The following CDKAL1 variants were observed in gnomAD, a reference collection of about 807,000 sequenced individuals.
CDKAL1 encodes the protein threonylcarbamoyladenosine tRNA methylthiotransferase.
Under a neutral mutation model 68.2 loss-of-function variants are expected in CDKAL1, and 32 were observed. The ratio of observed to expected loss-of-function variants is 0.47; its 90% CI spans 0.35 to 0.63. The LOEUF is 0.63. Ranked by LOEUF, CDKAL1 falls within the 30% of genes least tolerant of loss-of-function variation. The probability of loss-of-function intolerance (pLI) is 0.00; values close to 1 mark genes in which losing one functional copy is unlikely to be tolerated. For synonymous variants in CDKAL1, 234 were observed against 244.3 expected, an observed-to-expected ratio of 0.96 and a Z score of 0.39; for missense variants, 606 against 696.7, an observed-to-expected ratio of 0.87 and a Z score of 1.47.
At chr6:20,639,187 T>C (rs1371534870) in intron 4 of CDKAL1, among the ~76,000 whole-genome samples, 1 of 152,234 alleles carries the variant, frequency 6.6e-6, no homozygotes, top group Admixed American at 6.5e-5. Flanking sequence ...TCGTCTTTCA[T>C]ATAATGAACA....
intron 12 of CDKAL1, among the ~76,000 whole-genome samples, chr6:21,101,877 C>G (rs534994018): frequency 6.6e-6 from 1 of 152,238 alleles, no homozygotes; most frequent in Non-Finnish European, 1.5e-5. Flanking sequence ...CAAGAGCTGT[C>G]TATCCTACCT....
chr6:21,218,989 T>G (rs984032762), intron 15 of CDKAL1, among the ~76,000 whole-genome samples: 27 of 152,190 alleles, frequency 1.8e-4, no homozygotes, highest in African/African-American at 5.8e-4. Context: ...AGGATCATTA[T>G]TTTTTACTTT....
chr6:21,044,409 C>A (rs1483409115), intron 11 of CDKAL1, among the ~76,000 whole-genome samples: 2 of 152,170 alleles, frequency 1.3e-5, no homozygotes, highest in Non-Finnish European at 2.9e-5. Flanking sequence ...TTCTAATAGA[C>A]TTTACCACTC....
intron 5 of CDKAL1, among the ~76,000 whole-genome samples, chr6:20,723,173 C>T (rs1772468690): frequency 6.6e-6 from 1 of 152,208 alleles, no homozygotes; most frequent in Non-Finnish European, 1.5e-5. Context: ...TGTCCGTGGA[C>T]AGTGGAACTA....
chr6:20,810,483 G>A (rs1345991059), intron 8 of CDKAL1, among the ~76,000 whole-genome samples: 1 of 148,274 alleles, frequency 6.7e-6, no homozygotes, highest in East Asian at 2.0e-4. Context: ...TGTGGTCTTA[G>A]CTACTCGTGA....
chr6:21,045,520 C>T (rs561428976), intron 11 of CDKAL1, among the ~76,000 whole-genome samples: 2 of 152,178 alleles, frequency 1.3e-5, no homozygotes, highest in Non-Finnish European at 2.9e-5. Flanking sequence ...TATTTAGAGG[C>T]ACCACTGAAA....
chr6:21,043,526 T>C (rs1770051372), intron 11 of CDKAL1, among the ~76,000 whole-genome samples: 2 of 152,198 alleles, frequency 1.3e-5, no homozygotes, highest in South Asian at 4.1e-4. Flanking sequence ...TCTTCTCTCC[T>C]TTTGCAAAAA....
At chr6:20,714,091 C>T (rs528992502) in intron 5 of CDKAL1, among the ~76,000 whole-genome samples, 2 of 149,264 alleles carry the variant, frequency 1.3e-5, no homozygotes, top group Non-Finnish European at 3.0e-5. Context: ...CAGGATCTAT[C>T]GACCAGGATG....
chr6:21,084,814 A>G (rs1056427470), intron 12 of CDKAL1, among the ~76,000 whole-genome samples: 1 of 152,194 alleles, frequency 6.6e-6, no homozygotes, highest in Non-Finnish European at 1.5e-5. Context: ...GCCGTTACAA[A>G]GTTATATGAT....
At chr6:21,180,752 G>T (rs1007349430) in intron 13 of CDKAL1, among the ~76,000 whole-genome samples, 2 of 151,820 alleles carry the variant, frequency 1.3e-5, no homozygotes, top group East Asian at 1.9e-4. Context: ...AAGACCTTTT[G>T]TAGTTTTTAT....
chr6:20,955,663 C>A, intron 10 of CDKAL1, 78 bp downstream of exon 10: 1 of 1,198,786 alleles, frequency 8.3e-7, no homozygotes, highest in Non-Finnish European at 1.2e-6. Flanking sequence ...AGTATCATCA[C>A]ATCAGCTTCA....
intron 12 of CDKAL1, among the ~76,000 whole-genome samples, chr6:21,088,796 G>A (rs1296150325): frequency 6.6e-6 from 1 of 152,102 alleles, no homozygotes; most frequent in Non-Finnish European, 1.5e-5. Context: ...ACAAAAATTA[G>A]CCAGGTGTTA....
At chr6:21,082,727 T>G (rs887333421) in intron 12 of CDKAL1, among the ~76,000 whole-genome samples, 2 of 152,300 alleles carry the variant, frequency 1.3e-5, no homozygotes, top group Non-Finnish European at 2.9e-5. Flanking sequence ...CCAGTACAAG[T>G]TGAGTATCCT....
intron 5 of CDKAL1, among the ~76,000 whole-genome samples, chr6:20,669,051 A>G (rs1227165348): frequency 6.6e-6 from 1 of 152,212 alleles, no homozygotes; most frequent in Non-Finnish European, 1.5e-5. Context: ...TAACTTTAAC[A>G]TCTAGTAACC....
chr6:20,546,112 T>G (rs757856532), intron 2 of CDKAL1, among the ~76,000 whole-genome samples: 1 of 152,242 alleles, frequency 6.6e-6, no homozygotes, highest in Non-Finnish European at 1.5e-5. Flanking sequence ...TGTTGAACCT[T>G]GGAATGTCCC....
At chr6:20,760,764 G>C (rs912643145) in intron 7 of CDKAL1, among the ~76,000 whole-genome samples, 2 of 151,798 alleles carry the variant, frequency 1.3e-5, no homozygotes, top group African/African-American at 4.9e-5. Flanking sequence ...TTAAGTACCA[G>C]GTATATACTG....
rs533877884 is a variant in CDKAL1 at position 21,014,762 on chromosome 6, C to T, written c.1055+14390C>T. Among the ~76,000 whole-genome samples the T allele has an allele frequency of 5.9e-5, 9 of 152,118 alleles. No individual in the cohort carries two copies. The South Asian group carries it at 1.9e-3, about 32-fold the overall frequency. On this transcript the variant is annotated intron_variant, in intron 11 of 15. Coordinates refer to ENST00000274695, the MANE Select transcript of CDKAL1 (RefSeq NM_017774.3). ...CCTGGCTCAATATTTGGTTTTTGTT[C>T]TCATATGGTGACAAAGTTTTCATTT...
intron 12 of CDKAL1, among the ~76,000 whole-genome samples, chr6:21,072,010 C>A (rs993526992): frequency 6.6e-6 from 1 of 152,172 alleles, no homozygotes; most frequent in African/African-American, 2.4e-5. Context: ...CACTGGGAAG[C>A]GATACACACA....
chr6:20,704,983 A>G (rs1771532827), intron 5 of CDKAL1, among the ~76,000 whole-genome samples: 1 of 152,248 alleles, frequency 6.6e-6, no homozygotes, highest in African/African-American at 2.4e-5. Context: ...TAAAAATGTG[A>G]GTAGCCTGCA....
Sources: gnomAD v4.1 joint callset for allele counts (sites outside exome capture counted in the v4.1 genomes callset) on GRCh38, gnomAD v4.1.1 for gene constraint, MANE v1.5 for transcripts, NCBI Gene and HGNC (gene_info 2026-07-23, HGNC 2026-07-21) for gene names.